The following CCDC201 variants were observed in gnomAD, a reference collection of about 807,000 sequenced individuals.
CCDC201 encodes the protein coiled-coil domain containing 201.
chr7:45,870,915 G>C (rs1388042395), intron 1 of CCDC201, among the ~76,000 whole-genome samples: 1 of 152,156 alleles, frequency 6.6e-6, no homozygotes, highest in Admixed American at 6.5e-5. Context: ...AGATCTCAGA[G>C]TAAAGTTAAG....
the CCDC201 span, among the ~76,000 whole-genome samples, chr7:45,881,061 A>C: frequency 1.3e-5 from 2 of 152,190 alleles, no homozygotes; most frequent in South Asian, 4.1e-4. Context: ...GGGTTAATCA[A>C]ACAACACCAC....
the CCDC201 span, among the ~76,000 whole-genome samples, chr7:45,883,593 G>T: frequency 1.3e-5 from 2 of 152,276 alleles, no homozygotes; most frequent in Non-Finnish European, 2.9e-5. Flanking sequence ...GTTGGCTCCA[G>T]GGAGTCCGAG....
At chr7:45,873,037 G>T (rs1786759152) in exon 1 of CCDC201, 1 of 152,514 alleles carries the variant, frequency 6.6e-6, no homozygotes, top group Non-Finnish European at 1.5e-5. Flanking sequence ...TGGCTTCCAA[G>T]TGGGCAGTTG....
intron 2 of CCDC201, among the ~76,000 whole-genome samples, chr7:45,863,555 C>T (rs906865384): frequency 1.3e-5 from 2 of 152,140 alleles, no homozygotes; most frequent in Non-Finnish European, 2.9e-5. Context: ...ACTGTGCTCT[C>T]TAGAACCCCC....
the CCDC201 span, among the ~76,000 whole-genome samples, chr7:45,882,477 C>CT: frequency 6.6e-6 from 1 of 152,204 alleles, no homozygotes; most frequent in Non-Finnish European, 1.5e-5. Context: ...TGCTCCAGAG[C>CT]TGTTCTGCTG....
At chr7:45,860,204 G>C (rs1326008639) in exon 3 of CCDC201, 1 of 152,210 alleles carries the variant, frequency 6.6e-6, no homozygotes, top group Admixed American at 6.5e-5. Flanking sequence ...TTAAGCGTGG[G>C]GGAGATTAAA....
chr7:45,883,501 G>T, the CCDC201 span, among the ~76,000 whole-genome samples: 1 of 152,104 alleles, frequency 6.6e-6, no homozygotes, highest in Non-Finnish European at 1.5e-5. Context: ...AGGCCAGAAT[G>T]GTCCTCAACC....
upstream of CCDC201, among the ~76,000 whole-genome samples, chr7:45,874,406 T>C (rs76186442): frequency 3.3e-3 from 508 of 152,342 alleles, 5 homozygotes; most frequent in African/African-American, 0.012. Context: ...TTTTGGTGAA[T>C]GAATGCTGTC....
At chr7:45,882,434 C>T in the CCDC201 span, among the ~76,000 whole-genome samples, 1 of 152,350 alleles carries the variant, frequency 6.6e-6, no homozygotes, top group East Asian at 1.9e-4. Flanking sequence ...CATGCTAGGA[C>T]ATAGAAATCT....
upstream of CCDC201, among the ~76,000 whole-genome samples, chr7:45,875,020 G>A (rs147228091): frequency 6.6e-6 from 1 of 152,318 alleles, no homozygotes; most frequent in African/African-American, 2.4e-5. Flanking sequence ...AAAGGACACT[G>A]ATGAAATAAA....
the CCDC201 span, among the ~76,000 whole-genome samples, chr7:45,879,107 C>G: frequency 6.6e-6 from 1 of 152,220 alleles, no homozygotes; most frequent in Non-Finnish European, 1.5e-5. Context: ...TAAAGCATAG[C>G]AAGATTGACC....
intron 1 of CCDC201, among the ~76,000 whole-genome samples, chr7:45,867,287 G>A (rs923487349): frequency 2.6e-5 from 4 of 152,172 alleles, no homozygotes; most frequent in Non-Finnish European, 5.9e-5. Context: ...ACATCTGGCC[G>A]ATTTACTACC....
chr7:45,866,757 C>T (rs1224562688), intron 1 of CCDC201, among the ~76,000 whole-genome samples: 1 of 152,084 alleles, frequency 6.6e-6, no homozygotes, highest in African/African-American at 2.4e-5. Context: ...TAAGCATTGT[C>T]AGAGATGTAT....
chr7:45,874,471 T>G (rs1322625356), upstream of CCDC201, among the ~76,000 whole-genome samples: 1 of 152,196 alleles, frequency 6.6e-6, no homozygotes, highest in African/African-American at 2.4e-5. Flanking sequence ...CTTTCCCAGC[T>G]CTGAAACATC....
the CCDC201 span, among the ~76,000 whole-genome samples, chr7:45,883,966 T>TTTTTCTTTCTTTCTTTTC: frequency 1.3e-5 from 2 of 151,790 alleles, no homozygotes; most frequent in African/African-American, 2.4e-5. Flanking sequence ...TCTTTCTTTC[T>TTTTTCTTTCTTTCTTTTC]TTTTCTTTCT....
At chr7:45,880,078 T>C in the CCDC201 span, among the ~76,000 whole-genome samples, 1 of 152,170 alleles carries the variant, frequency 6.6e-6, no homozygotes, top group African/African-American at 2.4e-5. Flanking sequence ...AGAGTGAGAC[T>C]CTGTCTTCAC....
At chr7:45,864,692 A>G (rs1208360743) in intron 2 of CCDC201, among the ~76,000 whole-genome samples, 1 of 152,222 alleles carries the variant, frequency 6.6e-6, no homozygotes, top group Non-Finnish European at 1.5e-5. Context: ...GAAGACAGCA[A>G]GCAAGCCAGG....
chr7:45,884,584 G>A, the CCDC201 span, among the ~76,000 whole-genome samples: 1 of 152,048 alleles, frequency 6.6e-6, no homozygotes, highest in African/African-American at 2.4e-5. Context: ...AGAACTACTG[G>A]CTCTTCCCTG....
chr7:45,884,601 C>T, the CCDC201 span, among the ~76,000 whole-genome samples: 1 of 152,186 alleles, frequency 6.6e-6, no homozygotes, highest in Non-Finnish European at 1.5e-5. Flanking sequence ...CCTGAACACA[C>T]TGCACTCTTC....
Sources: gnomAD v4.1 joint callset for allele counts (sites outside exome capture counted in the v4.1 genomes callset) on GRCh38, gnomAD v4.1.1 for gene constraint, MANE v1.5 for transcripts, NCBI Gene and HGNC (gene_info 2026-07-23, HGNC 2026-07-21) for gene names.